CNST: variants seen among roughly 807,000 people sequenced by gnomAD.
CNST encodes the protein consortin.
Under a neutral mutation model 72.4 loss-of-function variants are expected in CNST, and 39 were observed. That is an observed-to-expected ratio of 0.54 (90% CI 0.42 to 0.70). The LOEUF is 0.70. Among genes scored for constraint, CNST ranks in the 30% least tolerant of loss-of-function variants. CNST has a pLI of 0.00. For synonymous variants in CNST, 332 were observed against 320.1 expected, an observed-to-expected ratio of 1.04 and a Z score of -0.40; for missense variants, 871 against 868.5, an observed-to-expected ratio of 1.00 and a Z score of -0.04.
At chr1:246,663,681 A>C (rs1241568261) in intron 10 of CNST, among the ~76,000 whole-genome samples, 2 of 152,142 alleles carry the variant, frequency 1.3e-5, no homozygotes, top group African/African-American at 4.8e-5. Context: ...CAGAGGTTGC[A>C]GTGAGCCAAG....
At chr1:246,651,666 A>G (rs1193180099) in intron 9 of CNST, among the ~76,000 whole-genome samples, 1 of 152,232 alleles carries the variant, frequency 6.6e-6, no homozygotes, top group African/African-American at 2.4e-5. Flanking sequence ...TAGGTTTGGA[A>G]AGCTTTTTCA....
At chr1:246,580,439 A>G (rs1660707009) in intron 1 of CNST, among the ~76,000 whole-genome samples, 1 of 152,058 alleles carries the variant, frequency 6.6e-6, no homozygotes, top group African/African-American at 2.4e-5. Flanking sequence ...TTTTTTTTTA[A>G]TATACCTTAA....
intron 1 of CNST, among the ~76,000 whole-genome samples, chr1:246,589,379 C>T: frequency 6.7e-6 from 1 of 150,230 alleles, no homozygotes; most frequent in Non-Finnish European, 1.5e-5. Context: ...GTTTTTTGTC[C>T]TTGTGATAGT....
chr1:246,633,991 T>C lies in CNST; in HGVS notation c.684T>C (p.Ser228=), dbSNP rs1664965006. The C allele has an allele frequency of 6.2e-7, 1 of 1,612,352 alleles. No individual in the cohort carries two copies. Among genetic ancestry groups the C allele is most frequent in the Non-Finnish European group, 8.5e-7 (1 of 1,178,400 alleles). The change falls in exon 5 of 11, where the codon TCT becomes TCC. Residue 228 remains serine (S), a synonymous_variant. Transcript: ENST00000366513. ...LYHEQLLANL[S]AIQEQWETKW... ...ATGAGCAATTGCTCGCAAATCTTTCTGCCATTCAAGAACAGTGGGGTAAGT... is the reference window on the plus strand; with the variant it reads ...ATGAGCAATTGCTCGCAAATCTTTCCGCCATTCAAGAACAGTGGGGTAAGT...
At chr1:246,569,195 G>T (rs1012864598) in intron 1 of CNST, among the ~76,000 whole-genome samples, 1 of 152,066 alleles carries the variant, frequency 6.6e-6, no homozygotes, top group Admixed American at 6.5e-5. Context: ...TATTAAGAAA[G>T]TAAAAAGAAA....
intron 9 of CNST, among the ~76,000 whole-genome samples, chr1:246,655,459 C>T (rs538359488): frequency 3.1e-4 from 47 of 152,144 alleles, no homozygotes; most frequent in Non-Finnish European, 6.2e-4. Flanking sequence ...GGAGCCATGA[C>T]ATTAGTCTAC....
intron 2 of CNST, among the ~76,000 whole-genome samples, chr1:246,599,890 A>T (rs1662154248): frequency 6.6e-6 from 1 of 152,236 alleles, no homozygotes; most frequent in Non-Finnish European, 1.5e-5. Flanking sequence ...GTTGCTGGGC[A>T]CTATAAAACT....
In CNST at chr1:246,647,993, T is replaced by G; in HGVS notation, c.1792T>G (p.Cys598Gly). The G allele has an allele frequency of 6.2e-7, 1 of 1,613,304 alleles. No individual in the cohort carries two copies. The highest frequency in any genetic ancestry group is 8.5e-7 in the Non-Finnish European group (1 of 1,179,872). ...LQENLPSDES[C>G]LSLDDLAKRI... ...GGAGAATCTGCCTTCTGATGAGAGC[T>G]GTCTTTCTCTTGATGATCTTGCCAA... Residue 598 changes from cysteine (C) to glycine (G), a missense_variant, in exon 9 of 11, where the codon TGT becomes GGT. Physicochemically the swap from Cys to Gly is radical, Grantham distance 159. Transcript: ENST00000366513.
chr1:246,582,181 C>T (rs894309309), intron 1 of CNST, among the ~76,000 whole-genome samples: 6 of 152,144 alleles, frequency 3.9e-5, no homozygotes, highest in South Asian at 2.1e-4. Context: ...AAGTTAAACA[C>T]GACTTTGCTG....
intron 1 of CNST, among the ~76,000 whole-genome samples, chr1:246,589,209 C>T (rs957426566): frequency 2.6e-5 from 4 of 151,708 alleles, no homozygotes; most frequent in African/African-American, 9.7e-5. Context: ...TGGTGTGCTG[C>T]ACCCATTAAC....
At chr1:246,664,705 C>A (rs528451939) in intron 10 of CNST, among the ~76,000 whole-genome samples, 1 of 152,116 alleles carries the variant, frequency 6.6e-6, no homozygotes, top group African/African-American at 2.4e-5. Flanking sequence ...GGATTACAGG[C>A]GTGAGCCACC....
At chr1:246,647,103 T>A in intron 8 of CNST, 36 bp from the exon 9 acceptor site, 1 of 1,567,712 alleles carries the variant, frequency 6.4e-7, no homozygotes, top group Non-Finnish European at 8.7e-7. Flanking sequence ...AAGTGTTGTT[T>A]TGAATTTTTA....
chr1:246,645,589 G>A (rs1468664717), intron 8 of CNST, among the ~76,000 whole-genome samples: 17 of 151,724 alleles, frequency 1.1e-4, no homozygotes, highest in Non-Finnish European at 2.1e-4. Context: ...CACCGCGCCC[G>A]GCTAATTTTT....
chr1:246,606,071 G>A (rs1662777147), intron 2 of CNST: 1 of 152,408 alleles, frequency 6.6e-6, no homozygotes, highest in South Asian at 2.1e-4. Flanking sequence ...CATAGGGGGT[G>A]GCGTGGGCAC....
intron 1 of CNST, among the ~76,000 whole-genome samples, chr1:246,585,725 C>A: frequency 7.4e-6 from 1 of 135,900 alleles, no homozygotes. Context: ...TATATGTATA[C>A]AGCATAAGTG....
intron 3 of CNST, among the ~76,000 whole-genome samples, chr1:246,623,981 T>C (rs1001795012): frequency 6.6e-6 from 1 of 151,760 alleles, no homozygotes; most frequent in African/African-American, 2.4e-5. Flanking sequence ...GAGGATTGCA[T>C]GAGCCCAGGA....
intron 1 of CNST, among the ~76,000 whole-genome samples, chr1:246,583,761 A>G (rs1360047848): frequency 1.3e-5 from 2 of 152,208 alleles, no homozygotes; most frequent in African/African-American, 4.8e-5. Flanking sequence ...AGCACTGGGT[A>G]AGACAAAGAA....
At chr1:246,607,757 G>A (rs565168692) in intron 2 of CNST, 2 of 152,218 alleles carry the variant, frequency 1.3e-5, no homozygotes, top group Non-Finnish European at 2.9e-5. Context: ...TTTGGGACTG[G>A]GCCTGAGAAG....
chr1:246,659,719 CTTTAATG>C (rs1666981397), intron 9 of CNST, among the ~76,000 whole-genome samples: 1 of 152,132 alleles, frequency 6.6e-6, no homozygotes, highest in Non-Finnish European at 1.5e-5. Flanking sequence ...GAGGACAACA[CTTTAATG>C]TTAAAAGCTT....
Sources: allele counts gnomAD v4.1 joint callset (sites outside exome capture counted in the v4.1 genomes callset), GRCh38; gene constraint gnomAD v4.1.1; transcripts MANE v1.5; gene names NCBI Gene and HGNC (gene_info 2026-07-23, HGNC 2026-07-21).